The following MAGI2 variants were observed in gnomAD, a reference collection of about 807,000 sequenced individuals.
MAGI2 encodes membrane-associated guanylate kinase, WW and PDZ domain-containing protein 2.
MAGI2 carries 35 observed loss-of-function variants against 133.3 expected under a neutral mutation model. The ratio of observed to expected loss-of-function variants is 0.26; its 90% CI spans 0.20 to 0.35. The LOEUF (loss-of-function observed/expected upper bound fraction) is 0.35, where lower values mean the gene tolerates loss of function less well. Ranked by LOEUF, MAGI2 falls within the 10% of genes least tolerant of loss-of-function variation. The probability of loss-of-function intolerance (pLI) is 1.00; values close to 1 mark genes in which losing one functional copy is unlikely to be tolerated. For synonymous variants in MAGI2, 729 were observed against 710.6 expected (o/e 1.03, Z -0.41); for missense variants, 1,636 against 1,863.4 (o/e 0.88, Z 2.25).
rs550627893 is a variant in MAGI2 at position 78,922,382 on chromosome 7, C to T, written c.418+84708G>A. Among the ~76,000 whole-genome samples, 6 of 150,732 alleles carry T rather than the reference C, an allele frequency of 4.0e-5. No individual in the cohort carries two copies. In the South Asian group the frequency reaches 8.5e-4, roughly 21 times the overall value. ...AACAGTCCCCAGAGTGTGATGTTCT[C>T]CTCCCTGTGTCCATGTGTTCTCATT... On this transcript the variant is annotated intron_variant, in intron 2 of 21. Transcript: ENST00000354212.
At chr7:78,759,488 C>A (rs576548805) in intron 2 of MAGI2, among the ~76,000 whole-genome samples, 1 of 151,844 alleles carries the variant, frequency 6.6e-6, no homozygotes, top group African/African-American at 2.4e-5. Flanking sequence ...TTTGTGTAAC[C>A]AAAAGGAGAA....
intron 1 of MAGI2, among the ~76,000 whole-genome samples, chr7:79,227,923 A>G (rs989613418): frequency 2.0e-5 from 3 of 152,192 alleles, no homozygotes; most frequent in African/African-American, 7.2e-5. Flanking sequence ...TTAATTCTCT[A>G]TGAAATGATA....
chr7:78,472,350 G>C (rs976067918), intron 6 of MAGI2, among the ~76,000 whole-genome samples: 3 of 151,982 alleles, frequency 2.0e-5, no homozygotes, highest in Middle Eastern at 3.4e-3. Context: ...CCTTTGAATA[G>C]AAGTCAACAA....
At chr7:78,237,811 A>G (rs917401051) in intron 10 of MAGI2, among the ~76,000 whole-genome samples, 13 of 152,216 alleles carry the variant, frequency 8.5e-5, no homozygotes, top group Non-Finnish European at 1.9e-4. Context: ...GTACATGCAA[A>G]TAAATGTACT....
intron 10 of MAGI2, among the ~76,000 whole-genome samples, chr7:78,203,586 T>A (rs898190237): frequency 6.6e-6 from 1 of 152,200 alleles, no homozygotes; most frequent in African/African-American, 2.4e-5. Context: ...TCTGGAATAT[T>A]TCTAATGCTG....
intron 2 of MAGI2, among the ~76,000 whole-genome samples, chr7:78,781,766 TTAAAG>T (rs553552850): frequency 1.0e-3 from 157 of 152,232 alleles, no homozygotes; most frequent in African/African-American, 3.0e-3. Flanking sequence ...TAGGACAAAA[TTAAAG>T]TAAAGAATGT....
chr7:78,068,292 T>G (rs1283741129), intron 21 of MAGI2, among the ~76,000 whole-genome samples: 1 of 152,164 alleles, frequency 6.6e-6, no homozygotes, highest in African/African-American at 2.4e-5. Flanking sequence ...GCTCAGGCAG[T>G]AATGCTCCCG....
In MAGI2 at chr7:79,009,550, A is replaced by G. The variant is rs540910914; in HGVS notation, c.302-2344T>C. Among the ~76,000 whole-genome samples the G allele has an allele frequency of 2.6e-5, 4 of 152,212 alleles. No homozygotes were observed. In the South Asian group the frequency reaches 6.2e-4, roughly 24 times the overall value. ...TATTAATCCAGTATTCTTACAGCAA[A>G]TTCTGCTAGTTGCCTACCCAATATT... On this transcript the variant is annotated intron_variant, in intron 1 of 21. Coordinates refer to ENST00000354212, the MANE Select transcript of MAGI2 (RefSeq NM_012301.4).
chr7:78,626,176 C>T (rs1808321447), intron 3 of MAGI2, among the ~76,000 whole-genome samples: 1 of 152,090 alleles, frequency 6.6e-6, no homozygotes, highest in Non-Finnish European at 1.5e-5. Context: ...TAAAACTAAT[C>T]TTTCAACTTA....
chr7:78,079,972 CACA>C (rs1337360109), intron 20 of MAGI2, among the ~76,000 whole-genome samples: 2 of 152,326 alleles, frequency 1.3e-5, no homozygotes, highest in African/African-American at 2.4e-5. Flanking sequence ...CCAGCAAAAG[CACA>C]ACGAGTTGCT....
chr7:79,193,488 A>T (rs972273972), intron 1 of MAGI2, among the ~76,000 whole-genome samples: 15 of 151,970 alleles, frequency 9.9e-5, no homozygotes, highest in African/African-American at 3.6e-4. Flanking sequence ...ACTACATATT[A>T]TGAGTTGTGT....
chr7:78,360,067 T>G (rs1228207739), intron 7 of MAGI2, among the ~76,000 whole-genome samples: 1 of 152,226 alleles, frequency 6.6e-6, no homozygotes, highest in Non-Finnish European at 1.5e-5. Flanking sequence ...GATGAGGTAG[T>G]AATGTATTTT....
At chr7:78,910,077 T>C (rs1044490340) in intron 2 of MAGI2, among the ~76,000 whole-genome samples, 1 of 151,218 alleles carries the variant, frequency 6.6e-6, no homozygotes, top group Admixed American at 6.6e-5. Flanking sequence ...TAAGTGGGAG[T>C]TGAACAATGA....
chr7:79,216,920 G>C (rs1421965900), intron 1 of MAGI2, among the ~76,000 whole-genome samples: 2 of 151,936 alleles, frequency 1.3e-5, no homozygotes, highest in Non-Finnish European at 2.9e-5. Flanking sequence ...TTTACATTTA[G>C]TCATTAACTT....
intron 10 of MAGI2, among the ~76,000 whole-genome samples, chr7:78,223,689 A>G (rs1789063922): frequency 6.6e-6 from 1 of 152,204 alleles, no homozygotes; most frequent in African/African-American, 2.4e-5. Flanking sequence ...GTAATGCCAC[A>G]AGCCTCCCTA....
Position 78,122,281 on chromosome 7 carries a change from T to A in MAGI2, c.3567+3413A>T, listed in dbSNP as rs1479214522. The stretch of plus-strand genomic sequence containing the variant: ...ATATTCTTGTAAATCGTTTTATGTT[T>A]AATAAAAACAATATATAAACCAAGA... On this transcript the variant is annotated intron_variant, in intron 20 of 21. Transcript: ENST00000354212. Among the ~76,000 whole-genome samples the A allele has an allele frequency of 2.6e-5, 4 of 152,188 alleles. No homozygotes were observed. In the East Asian group the frequency reaches 7.7e-4, roughly 29 times the overall value.
intron 6 of MAGI2, among the ~76,000 whole-genome samples, chr7:78,471,581 A>G (rs1791206594): frequency 6.6e-6 from 1 of 152,108 alleles, no homozygotes; most frequent in African/African-American, 2.4e-5. Context: ...TTTCTTCCAT[A>G]TCGGAGTCTA....
chr7:79,255,841 A>G (rs866462263), intron 1 of MAGI2, among the ~76,000 whole-genome samples: 1 of 152,178 alleles, frequency 6.6e-6, no homozygotes, highest in Non-Finnish European at 1.5e-5. Flanking sequence ...AAAAATACTC[A>G]TTATATGAAA....
intron 2 of MAGI2, among the ~76,000 whole-genome samples, chr7:78,640,601 A>T (rs1810184822): frequency 6.9e-6 from 1 of 144,580 alleles, no homozygotes; most frequent in Non-Finnish European, 1.5e-5. Flanking sequence ...ACTAATAGAG[A>T]CATAATACAA....
Sources: allele counts gnomAD v4.1 joint callset (sites outside exome capture counted in the v4.1 genomes callset), GRCh38; gene constraint gnomAD v4.1.1; transcripts MANE v1.5; gene names NCBI Gene and HGNC (gene_info 2026-07-23, HGNC 2026-07-21).